The following ST6GALNAC3 variants were observed in gnomAD, a reference collection of about 807,000 sequenced individuals.
ST6GALNAC3 encodes ST6 N-acetylgalactosaminide alpha-2,6-sialyltransferase 3.
A neutral mutation model predicts 32.7 loss-of-function variants in ST6GALNAC3; 25 were observed. The ratio of observed to expected loss-of-function variants is 0.76; its 90% CI spans 0.56 to 1.07. The LOEUF (loss-of-function observed/expected upper bound fraction) is 1.07. ST6GALNAC3 is among the 50% of genes least tolerant of loss of function. ST6GALNAC3 has a pLI of 0.00. For synonymous variants in ST6GALNAC3, 129 were observed against 133.1 expected, an observed-to-expected ratio of 0.97 and a Z score of 0.21; for missense variants, 355 against 382.4, an observed-to-expected ratio of 0.93 and a Z score of 0.60.
rs1218667557 is a variant in ST6GALNAC3 at position 76,185,487 on chromosome 1, G to A, written c.18+110603G>A. ...TGAACATCTGGAAAACATAAAATAT[G>A]TCACGAAATCCTGTCATGGAGGAAA... On this transcript the variant is annotated intron_variant, in intron 1 of 4. Coordinates refer to ENST00000328299, the MANE Select transcript of ST6GALNAC3 (RefSeq NM_152996.4). Among the ~76,000 whole-genome samples the A allele has an allele frequency of 3.3e-5, 5 of 152,268 alleles. No individual in the cohort carries two copies. The East Asian group carries it at 9.6e-4, about 29-fold the overall frequency.
intron 3 of ST6GALNAC3, among the ~76,000 whole-genome samples, chr1:76,568,252 A>C (rs773663274): frequency 1.3e-5 from 2 of 152,176 alleles, no homozygotes; most frequent in Non-Finnish European, 2.9e-5. Flanking sequence ...CCACAAGTAC[A>C]CAGCAGAGGC....
chr1:76,515,490 G>A (rs566753299), intron 3 of ST6GALNAC3, among the ~76,000 whole-genome samples: 70 of 151,728 alleles, frequency 4.6e-4, no homozygotes, highest in African/African-American at 1.7e-3. Context: ...CTATTTTCTT[G>A]AGGTGTTTGG....
chr1:76,401,942 A>G (rs1160978772), intron 2 of ST6GALNAC3, among the ~76,000 whole-genome samples: 1 of 152,196 alleles, frequency 6.6e-6, no homozygotes, highest in Non-Finnish European at 1.5e-5. Flanking sequence ...CCCCTGGGGC[A>G]AAAGCAGATT....
rs1557865758 is a variant in ST6GALNAC3, at chr1:76,412,372, TGAGTTACTGTGATG to T, written c.584_597del (p.Tyr195PhefsTer2). 1 of 1,609,772 alleles carries T rather than the reference TGAGTTACTGTGATG, an allele frequency of 6.2e-7. No individual in the cohort carries two copies. Among genetic ancestry groups the T allele is most frequent in the East Asian group, 2.2e-5 (1 of 44,782 alleles). On this transcript the variant is annotated frameshift_variant, in exon 3 of 5. Transcript: ENST00000328299. LOFTEE classifies it high-confidence loss of function. ...ATATACGTGACCACAGAGAAGCGCA[TGAGTTACTGTGATG>T]GAGTTTTTAAGAAGGAAACTGGGAA... is the stretch of plus-strand genomic sequence containing the variant.
intron 1 of ST6GALNAC3, among the ~76,000 whole-genome samples, chr1:76,312,805 T>C (rs1365827981): frequency 1.3e-5 from 2 of 152,178 alleles, no homozygotes; most frequent in Non-Finnish European, 2.9e-5. Flanking sequence ...TTTCTCCTTC[T>C]TCGTGCTCCA....
intron 2 of ST6GALNAC3, among the ~76,000 whole-genome samples, chr1:76,351,686 G>A (rs1266659199): frequency 6.6e-6 from 1 of 152,010 alleles, no homozygotes; most frequent in East Asian, 1.9e-4. Context: ...TGAGAAGTAG[G>A]ATAATCATAT....
At chr1:76,179,394 C>T (rs972211827) in intron 1 of ST6GALNAC3, among the ~76,000 whole-genome samples, 13 of 152,266 alleles carry the variant, frequency 8.5e-5, no homozygotes, top group Admixed American at 5.9e-4. Context: ...AATCCCTTAA[C>T]ATATGTAAAG....
intron 1 of ST6GALNAC3, among the ~76,000 whole-genome samples, chr1:76,083,358 A>T (rs1646923859): frequency 6.6e-6 from 1 of 152,258 alleles, no homozygotes; most frequent in South Asian, 2.1e-4. Flanking sequence ...GCTGGCCGCG[A>T]CAATGGGCTG....
At chr1:76,201,128 G>A (rs1315133109) in intron 1 of ST6GALNAC3, among the ~76,000 whole-genome samples, 3 of 152,184 alleles carry the variant, frequency 2.0e-5, no homozygotes, top group Non-Finnish European at 2.9e-5. Context: ...AAGCAAAAGA[G>A]AGTTAATCAT....
At chr1:76,341,904 C>T (rs1056394090) in intron 2 of ST6GALNAC3, among the ~76,000 whole-genome samples, 1 of 151,914 alleles carries the variant, frequency 6.6e-6, no homozygotes, top group African/African-American at 2.4e-5. Flanking sequence ...GTTCCCCTCC[C>T]TGTGTCCATG....
At chr1:76,588,026 A>G (rs1225629252) in intron 3 of ST6GALNAC3, among the ~76,000 whole-genome samples, 1 of 152,176 alleles carries the variant, frequency 6.6e-6, no homozygotes, top group Non-Finnish European at 1.5e-5. Context: ...TGATGAACAT[A>G]CAGAGCACAT....
chr1:76,527,387 A>C (rs184662296), intron 3 of ST6GALNAC3, among the ~76,000 whole-genome samples: 1 of 152,214 alleles, frequency 6.6e-6, no homozygotes, highest in East Asian at 1.9e-4. Context: ...AAGATTAAAT[A>C]GTTTTGGAAA....
At chr1:76,293,291 G>T (rs990544780) in intron 1 of ST6GALNAC3, among the ~76,000 whole-genome samples, 4 of 152,122 alleles carry the variant, frequency 2.6e-5, no homozygotes, top group Admixed American at 2.6e-4. Flanking sequence ...ATCTTTTGCA[G>T]ATTTGATCAA....
chr1:76,443,947 T>A (rs928686172), intron 3 of ST6GALNAC3, among the ~76,000 whole-genome samples: 4 of 152,210 alleles, frequency 2.6e-5, no homozygotes, highest in African/African-American at 4.8e-5. Flanking sequence ...CAGAAAATAG[T>A]GTTTCCAATT....
chr1:76,390,686 C>G (rs1652465793), intron 2 of ST6GALNAC3, among the ~76,000 whole-genome samples: 1 of 152,118 alleles, frequency 6.6e-6, no homozygotes, highest in Admixed American at 6.5e-5. Context: ...CATTGTGTAC[C>G]TCACAGCTCT....
chr1:76,107,513 A>T (rs1338912315), intron 1 of ST6GALNAC3, among the ~76,000 whole-genome samples: 2 of 152,096 alleles, frequency 1.3e-5, no homozygotes, highest in Admixed American at 6.5e-5. Context: ...TGGTACCATG[A>T]TTATCTCCTT....
chr1:76,126,475 T>C (rs1282491571), intron 1 of ST6GALNAC3, among the ~76,000 whole-genome samples: 4 of 148,128 alleles, frequency 2.7e-5, no homozygotes, highest in Non-Finnish European at 6.0e-5. Context: ...TCGCTCTCTT[T>C]CATGACGAAT....
At chr1:76,414,507 T>G (rs1654481601) in intron 3 of ST6GALNAC3, among the ~76,000 whole-genome samples, 1 of 152,122 alleles carries the variant, frequency 6.6e-6, no homozygotes, top group Non-Finnish European at 1.5e-5. Context: ...TTAAAGACTT[T>G]TATTGTCTAA....
At chr1:76,413,305 TA>T in intron 3 of ST6GALNAC3, among the ~76,000 whole-genome samples, 1 of 152,170 alleles carries the variant, frequency 6.6e-6, no homozygotes, top group East Asian at 1.9e-4. Flanking sequence ...AAAGAACTGT[TA>T]AGGGAAGATA....
Sources: gnomAD v4.1 joint callset for allele counts (sites outside exome capture counted in the v4.1 genomes callset) on GRCh38, gnomAD v4.1.1 for gene constraint, MANE v1.5 for transcripts, NCBI Gene and HGNC (gene_info 2026-07-23, HGNC 2026-07-21) for gene names.